F11: variants seen among roughly 807,000 people sequenced by gnomAD.
F11 encodes coagualtion factor XI.
In F11, 78 loss-of-function variants were observed where a neutral mutation model predicts 76.5. The ratio of observed to expected loss-of-function variants is 1.02; its 90% CI spans 0.85 to 1.23. The LOEUF is 1.23. F11 is among the 50% of genes most tolerant of loss of function. The probability of loss-of-function intolerance (pLI) is 0.00; values close to 1 mark genes in which losing one functional copy is unlikely to be tolerated. For missense variants in F11, 742 were observed against 771.4 expected (o/e 0.96, Z 0.45); for synonymous variants, 278 against 276.3 (o/e 1.01, Z -0.06).
At chr4:186,267,842 T>G (rs987735806) in intron 2 of F11, among the ~76,000 whole-genome samples, 18 of 152,218 alleles carry the variant, frequency 1.2e-4, no homozygotes, top group African/African-American at 3.9e-4. Context: ...AAATTCTTTT[T>G]GCTGGCCTAT....
chr4:186,290,301 G>A (rs1197597668), downstream of F11, among the ~76,000 whole-genome samples: 4 of 152,062 alleles, frequency 2.6e-5, no homozygotes, highest in African/African-American at 4.8e-5. Flanking sequence ...AGAACATAAC[G>A]GGGCCAGATC....
intron 2 of F11, among the ~76,000 whole-genome samples, chr4:186,269,184 T>A (rs1739730948): frequency 6.6e-6 from 1 of 152,222 alleles, no homozygotes; most frequent in Non-Finnish European, 1.5e-5. Flanking sequence ...AAAGTTGGGT[T>A]TATTCCAGGA....
At chr4:186,282,171 T>C in intron 10 of F11, 1 of 1,124,006 alleles carries the variant, frequency 8.9e-7, no homozygotes, top group Non-Finnish European at 1.1e-6. Context: ...AATGAGCACG[T>C]ATACCTCAAT....
chr4:186,287,673 A>T lies in F11; in HGVS notation c.1577-11A>T, dbSNP rs747473975. 1.2e-5 allele frequency: 19 copies of T among 1,605,020 alleles called. No homozygotes were observed. Among genetic ancestry groups the T allele is most frequent in the African/African-American group, 6.7e-5 (5 of 74,370 alleles). Reference sequence around the variant, plus strand: ...GTTATTCTACAAACGAACCAAAAAAATTTTTTTCAGACAAAATACAAAATA... The same window carrying T: ...GTTATTCTACAAACGAACCAAAAAATTTTTTTTCAGACAAAATACAAAATA... On this transcript the variant is annotated splice_polypyrimidine_tract_variant and intron_variant, in intron 13 of 14. Transcript: ENST00000403665.
rs905601214 is a variant in F11 at position 186,276,266 on chromosome 4, G to A, written c.631G>A (p.Ala211Thr). The A allele has an allele frequency of 1.9e-6, 3 of 1,614,132 alleles. No homozygotes were observed. The highest frequency in any genetic ancestry group is 2.5e-6 in the Non-Finnish European group (3 of 1,180,034). The change falls in exon 7 of 15, where the codon GCA (alanine) becomes ACA (threonine). Residue 211 changes from alanine (A) to threonine (T), a missense_variant. Coordinates refer to ENST00000403665, the MANE Select transcript of F11 (RefSeq NM_000128.4). The stretch of plus-strand genomic sequence containing the variant: ...GGACATTTTCCCTAATACGGTGTTT[G>A]CAGACAGCAACATCGACAGTGTCAT... Reference protein sequence around the residue: ...IRDIFPNTVFADSNIDSVMAP... With the variant: ...IRDIFPNTVFTDSNIDSVMAP...
intron 12 of F11, 38 bp downstream of exon 12, chr4:186,285,851 T>C: frequency 9.3e-6 from 15 of 1,606,308 alleles, no homozygotes; most frequent in Non-Finnish European, 1.3e-5. Context: ...TCTCCAATGG[T>C]GAACTGGATA....
rs904590062 is a variant in F11, at chr4:186,276,097, C to T, written c.596-134C>T. The T allele has an allele frequency of 5.4e-6, 6 of 1,110,140 alleles. No homozygotes were observed. In the African/African-American group the frequency reaches 7.9e-5, roughly 15 times the overall value. 68.8% of individuals were successfully genotyped at this position (1,110,140 alleles called of 1,614,324 possible). ...CAGTTTAAAATAATCATGCCATTTT[C>T]TTCTAAATAAAAAAAAATTAAAAGA... On this transcript the variant is annotated intron_variant, in intron 6 of 14. Coordinates refer to ENST00000403665, the MANE Select transcript of F11 (RefSeq NM_000128.4).
At chr4:186,276,944 G>A (rs1740433851) in intron 7 of F11, among the ~76,000 whole-genome samples, 1 of 152,120 alleles carries the variant, frequency 6.6e-6, no homozygotes, top group Non-Finnish European at 1.5e-5. Flanking sequence ...TTTAGGTACA[G>A]GTACAGTTGT....
Position 186,280,214 on chromosome 4 carries a change from G to A in F11, c.866-9G>A, listed in dbSNP as rs200218867. 101 of 1,614,122 alleles carry A rather than the reference G, an allele frequency of 6.3e-5. No individual in the cohort carries two copies. The African/African-American group carries it at 1.2e-3, about 19-fold the overall frequency. ...AGGGTCTCACTCTGACATGTGGTCT[G>A]CTGTCTAGTGTTCTGCCATTCTTCA... On this transcript the variant is annotated splice_polypyrimidine_tract_variant and intron_variant, in intron 8 of 14. Transcript: ENST00000403665.
intron 5 of F11, chr4:186,275,214 G>A (rs1740271212): frequency 2.2e-6 from 1 of 456,266 alleles, no homozygotes; most frequent in African/African-American, 2.0e-5. Flanking sequence ...GACTTAGCCA[G>A]GCGCGGTGGC....
chr4:186,276,495 T>C, intron 7 of F11, 105 bp downstream of exon 7: 2 of 1,348,060 alleles, frequency 1.5e-6, no homozygotes, highest in Admixed American at 1.8e-5. Flanking sequence ...TAAATGTCAG[T>C]ATAGGATAAA....
intron 2 of F11, among the ~76,000 whole-genome samples, chr4:186,270,270 T>C (rs1431619344): frequency 1.3e-5 from 2 of 152,218 alleles, no homozygotes; most frequent in African/African-American, 4.8e-5. Flanking sequence ...TTACTGACAC[T>C]AGAAGCAGCA....
chr4:186,279,129 A>C (rs1740591050), intron 7 of F11, among the ~76,000 whole-genome samples: 1 of 152,234 alleles, frequency 6.6e-6, no homozygotes, highest in Non-Finnish European at 1.5e-5. Flanking sequence ...TCACGCCTGT[A>C]ATCCCAGCAC....
chr4:186,273,237 G>A (rs1024626525), intron 4 of F11, 60 bp downstream of exon 4: 52 of 1,310,826 alleles, frequency 4.0e-5, no homozygotes, highest in Admixed American at 1.8e-4. Flanking sequence ...TCGCCACATC[G>A]GATGTGGTTT....
intron 7 of F11, among the ~76,000 whole-genome samples, chr4:186,279,383 A>G (rs1217360461): frequency 8.3e-6 from 1 of 119,824 alleles, no homozygotes; most frequent in Non-Finnish European, 1.7e-5. Context: ...ACTATGTCTC[A>G]AAAAAAAAAA....
At position 186,273,176 on chromosome 4, in the gene F11, C is replaced by T. The variant is rs760506725; in HGVS notation, c.324C>T (p.Ser108=). 12 of 1,608,324 alleles carry T rather than the reference C, an allele frequency of 7.5e-6. No individual in the cohort carries two copies. Among genetic ancestry groups the T allele is most frequent in the East Asian group, 4.5e-5 (2 of 44,820 alleles). Residue 108 remains serine (S), a splice_region_variant and synonymous_variant, in exon 4 of 15, where the codon AGC becomes AGT. Transcript: ENST00000403665. ...TCAAGCAATGCTCACACCAAATAAG[C>T]GGTAAGATATGTTCTCAGAATCAAC... ...YSFKQCSHQI[S]ACNKDIYVDL...
intron 10 of F11, chr4:186,282,157 T>C: frequency 1.8e-6 from 2 of 1,135,698 alleles, no homozygotes; most frequent in Non-Finnish European, 1.1e-6. Context: ...TTTAATAAAA[T>C]GGGAATGAGC....
intron 4 of F11, among the ~76,000 whole-genome samples, chr4:186,273,753 T>C (rs1018089665): frequency 2.0e-5 from 3 of 152,202 alleles, no homozygotes; most frequent in Admixed American, 1.3e-4. Flanking sequence ...AAATTCTTTA[T>C]TAAACGTATT....
At chr4:186,288,361 A>G (rs1334954435) in intron 14 of F11, 92 bp from the exon 15 acceptor site, 7 of 1,554,624 alleles carry the variant, frequency 4.5e-6, no homozygotes, top group Non-Finnish European at 6.2e-6. Flanking sequence ...CCAAGACAAC[A>G]TTTTAGGCAA....
Sources: gnomAD v4.1 joint callset for allele counts (sites outside exome capture counted in the v4.1 genomes callset) on GRCh38, gnomAD v4.1.1 for gene constraint, MANE v1.5 for transcripts, NCBI Gene and HGNC (gene_info 2026-07-23, HGNC 2026-07-21) for gene names.